The following ALX1 variants were observed in gnomAD, a reference collection of about 807,000 sequenced individuals.
The protein encoded by ALX1 is ALX homeobox protein 1.
Under a neutral mutation model 31.7 loss-of-function variants are expected in ALX1, and 19 were observed. That is an observed-to-expected ratio of 0.60 (90% CI 0.42 to 0.88). The LOEUF is 0.88. Among genes scored for constraint, ALX1 ranks in the 40% least tolerant of loss-of-function variants. The pLI is 0.00. For synonymous variants in ALX1, 153 were observed against 148.8 expected (o/e 1.03, Z -0.20); for missense variants, 415 against 407.8 (o/e 1.02, Z -0.15).
chr12:85,283,599 G>C lies in ALX1; in HGVS notation c.254G>C (p.Gly85Ala). ...SVNYGITKVE[G>A]QPLHTELNRA... ...AACTATGGGATCACTAAAGTAGAAGGACAGCCCCTTCACACCGAACTGAAT... is the reference window on the plus strand; with the variant it reads ...AACTATGGGATCACTAAAGTAGAAGCACAGCCCCTTCACACCGAACTGAAT... The change falls in exon 2 of 4, where the codon GGA becomes GCA. Residue 85 changes from glycine (G) to alanine (A), a missense_variant. Around this residue, in one of 3 missense-constraint regions of ALX1, gnomAD observed 235 missense variants for 208.9 expected, o/e 1.13. Coordinates refer to ENST00000316824, the MANE Select transcript of ALX1 (RefSeq NM_006982.3). 6.2e-7 allele frequency: 1 copy of C among 1,614,054 alleles called. No homozygotes were observed. Among genetic ancestry groups the C allele is most frequent in the Non-Finnish European group, 8.5e-7 (1 of 1,179,970 alleles).
Position 85,301,199 on chromosome 12 carries a change from G to A in ALX1, c.705G>A (p.Val235=). ...CAGGAAATGCAAGTGGTGGTTCTGT[G>A]GTTACTTCATGCATGTTACCACGTG... ...LWAGNASGGS[V]VTSCMLPRDT... The change falls in exon 4 of 4, where the codon GTG becomes GTA. Residue 235 remains valine, a synonymous_variant. Coordinates refer to ENST00000316824, the MANE Select transcript of ALX1 (RefSeq NM_006982.3). The A allele has an allele frequency of 6.2e-7, 1 of 1,613,942 alleles. No individual in the cohort carries two copies. The highest frequency in any genetic ancestry group is 8.5e-7 in the Non-Finnish European group (1 of 1,179,904).
At chr12:85,282,809 A>G (rs1291179709) in intron 1 of ALX1, among the ~76,000 whole-genome samples, 2 of 152,214 alleles carry the variant, frequency 1.3e-5, no homozygotes, top group African/African-American at 4.8e-5. Flanking sequence ...TCAGCAGAGA[A>G]AATAGAAAAG....
At chr12:85,294,798 G>A (rs1044263113) in intron 3 of ALX1, among the ~76,000 whole-genome samples, 2 of 150,000 alleles carry the variant, frequency 1.3e-5, no homozygotes, top group African/African-American at 2.4e-5. Flanking sequence ...TTTTTTAATG[G>A]AAAAGTCACC....
chr12:85,296,769 G>C (rs1732250077), intron 3 of ALX1, among the ~76,000 whole-genome samples: 2 of 151,532 alleles, frequency 1.3e-5, no homozygotes, highest in African/African-American at 4.8e-5. Context: ...AAGGGTATGG[G>C]AATTATTTGT....
chr12:85,290,393 A>T (rs1418178668), intron 3 of ALX1, among the ~76,000 whole-genome samples: 1 of 151,022 alleles, frequency 6.6e-6, no homozygotes, highest in African/African-American at 2.4e-5. Context: ...TTAATTCATC[A>T]CTGAAGAGTG....
intron 3 of ALX1, among the ~76,000 whole-genome samples, chr12:85,288,322 A>G (rs1230709281): frequency 1.3e-5 from 2 of 151,528 alleles, no homozygotes; most frequent in African/African-American, 4.8e-5. Flanking sequence ...TCTCCTTGCC[A>G]TAGGAGGAAT....
chr12:85,287,018 G>A, intron 3 of ALX1, 37 bp downstream of exon 3: 3 of 1,608,176 alleles, frequency 1.9e-6, no homozygotes, highest in Non-Finnish European at 2.6e-6. Flanking sequence ...TCAAGAAAAG[G>A]ATATTTGGTT....
Position 85,286,784 on chromosome 12 carries a change from T to C in ALX1, c.532-69T>C, listed in dbSNP as rs1057393103. ...CCTGGTTTACCTTTCTTGTTTGATG[T>C]CTTTTAACATCACATTTGCTTTATC... On this transcript the variant is annotated intron_variant, in intron 2 of 3. Transcript: ENST00000316824. 3 of 1,358,764 alleles carry C rather than the reference T, an allele frequency of 2.2e-6. No individual in the cohort carries two copies. The African/African-American group carries it at 4.4e-5, about 20-fold the overall frequency. The allele number at this position is 1,358,764 out of a possible 1,614,324, so 84.2% of individuals were successfully genotyped here.
chr12:85,296,215 T>G (rs1353072377), intron 3 of ALX1, among the ~76,000 whole-genome samples: 1 of 151,516 alleles, frequency 6.6e-6, no homozygotes, highest in African/African-American at 2.4e-5. Flanking sequence ...GGTTCTAAGG[T>G]AAAAAATAAA....
chr12:85,280,909 T>C (rs1483698002), intron 1 of ALX1, among the ~76,000 whole-genome samples: 1 of 151,328 alleles, frequency 6.6e-6, no homozygotes, highest in East Asian at 1.9e-4. Flanking sequence ...TTAGAGTACG[T>C]CACTGTCGTC....
intron 3 of ALX1, among the ~76,000 whole-genome samples, chr12:85,290,998 A>G (rs959090545): frequency 6.6e-6 from 1 of 151,196 alleles, no homozygotes; most frequent in Admixed American, 6.6e-5. Context: ...TTATATAGAC[A>G]TTGGATAGAT....
intron 3 of ALX1, among the ~76,000 whole-genome samples, chr12:85,289,697 AAAATTTCCG>A (rs1380219727): frequency 6.6e-6 from 1 of 151,228 alleles, no homozygotes; most frequent in African/African-American, 2.4e-5. Context: ...TTTGGTTACC[AAAATTTCCG>A]AAATTATGTG....
chr12:85,289,366 C>T (rs757453152), intron 3 of ALX1, among the ~76,000 whole-genome samples: 68 of 151,096 alleles, frequency 4.5e-4, no homozygotes, highest in Non-Finnish European at 6.7e-4. Context: ...GTTATTGTAC[C>T]TCAAAGCTTT....
chr12:85,283,439 A>G, intron 1 of ALX1, 133 bp from the exon 2 acceptor site: 1 of 890,768 alleles, frequency 1.1e-6, no homozygotes, highest in Non-Finnish European at 1.8e-6. Context: ...AAATGTGGTA[A>G]TTGAATTAAT....
At chr12:85,289,443 A>T (rs1361429390) in intron 3 of ALX1, among the ~76,000 whole-genome samples, 1 of 151,180 alleles carries the variant, frequency 6.6e-6, no homozygotes, top group Non-Finnish European at 1.5e-5. Context: ...GGTACACCAA[A>T]TTATATATTT....
chr12:85,287,810 C>T (rs1270744901), intron 3 of ALX1, among the ~76,000 whole-genome samples: 5 of 151,316 alleles, frequency 3.3e-5, no homozygotes, highest in Middle Eastern at 3.4e-3. Flanking sequence ...TTATAAGCAA[C>T]GAGCTATGCA....
At chr12:85,282,294 A>G (rs1896685565) in intron 1 of ALX1, among the ~76,000 whole-genome samples, 1 of 152,134 alleles carries the variant, frequency 6.6e-6, no homozygotes, top group African/African-American at 2.4e-5. Flanking sequence ...ATGGGGTACA[A>G]AGTAATGTTA....
intron 1 of ALX1, among the ~76,000 whole-genome samples, chr12:85,280,906 A>G (rs1896662862): frequency 6.6e-6 from 1 of 151,934 alleles, no homozygotes; most frequent in Non-Finnish European, 1.5e-5. Flanking sequence ...TCGTTAGAGT[A>G]CGTCACTGTC....
intron 1 of ALX1, among the ~76,000 whole-genome samples, chr12:85,282,356 C>T (rs1490572363): frequency 6.6e-6 from 1 of 151,890 alleles, no homozygotes; most frequent in African/African-American, 2.4e-5. Flanking sequence ...TGGCCATCAC[C>T]TCAAATATTT....
Sources: allele counts gnomAD v4.1 joint callset (sites outside exome capture counted in the v4.1 genomes callset), GRCh38; gene constraint gnomAD v4.1.1; regional missense constraint gnomAD v4.1.1; transcripts MANE v1.5; gene names NCBI Gene and HGNC (gene_info 2026-07-23, HGNC 2026-07-21).